Variants in NLGN1 observed in about 807,000 individuals in gnomAD.
NLGN1 encodes neuroligin 1, also known as neuroligin-1.
A neutral mutation model predicts 65.5 loss-of-function variants in NLGN1; 12 were observed. The ratio of observed to expected loss-of-function variants is 0.18; its 90% CI spans 0.12 to 0.30. The LOEUF (loss-of-function observed/expected upper bound fraction) is 0.30. NLGN1 is among the 10% of genes least tolerant of loss of function. NLGN1 has a pLI of 1.00. For synonymous variants in NLGN1, 350 were observed against 359.5 expected (o/e 0.97, Z 0.30); for missense variants, 750 against 1,007.1 (o/e 0.74, Z 3.46).
At chr3:173,492,212 T>C (rs1729287243) in intron 2 of NLGN1, among the ~76,000 whole-genome samples, 3 of 151,894 alleles carry the variant, frequency 2.0e-5, no homozygotes, top group Admixed American at 2.0e-4. Context: ...TTTAGTGCAG[T>C]ATCTGACTTC....
At chr3:173,969,913 TAA>T (rs201121045) in intron 4 of NLGN1, among the ~76,000 whole-genome samples, 5 of 144,610 alleles carry the variant, frequency 3.5e-5, no homozygotes, top group African/African-American at 7.5e-5. Context: ...TATTTGGGCT[TAA>T]AAAAAAAAAA....
chr3:173,488,310 T>C (rs546116027), intron 2 of NLGN1, among the ~76,000 whole-genome samples: 1 of 152,170 alleles, frequency 6.6e-6, no homozygotes, highest in South Asian at 2.1e-4. Flanking sequence ...AACTAAAACA[T>C]ACTCTTTGTT....
chr3:173,437,280 G>C (rs10936756), intron 2 of NLGN1, among the ~76,000 whole-genome samples: 26,330 of 152,116 alleles, frequency 0.17, 3,462 homozygotes, highest in African/African-American at 0.37. Flanking sequence ...GTCTGTCACT[G>C]CCAATACCAC....
At chr3:174,015,634 A>G (rs1268046227) in intron 4 of NLGN1, among the ~76,000 whole-genome samples, 1 of 152,196 alleles carries the variant, frequency 6.6e-6, no homozygotes, top group Non-Finnish European at 1.5e-5. Context: ...TCATAGACTC[A>G]GCATACTATA....
At chr3:173,624,134 G>T (rs919447670) in intron 3 of NLGN1, among the ~76,000 whole-genome samples, 3 of 152,082 alleles carry the variant, frequency 2.0e-5, no homozygotes. Flanking sequence ...CTGTTGCCGT[G>T]TATTTGAGCA....
chr3:173,551,361 G>T (rs1301373769), intron 2 of NLGN1, among the ~76,000 whole-genome samples: 1 of 152,148 alleles, frequency 6.6e-6, no homozygotes, highest in African/African-American at 2.4e-5. Flanking sequence ...TATGGATTCT[G>T]CTAATATCTG....
intron 4 of NLGN1, among the ~76,000 whole-genome samples, chr3:174,027,142 C>A (rs1215761290): frequency 6.6e-6 from 1 of 151,192 alleles, no homozygotes; most frequent in East Asian, 1.9e-4. Context: ...GCCTTTAAAG[C>A]AATATAAATT....
intron 2 of NLGN1, among the ~76,000 whole-genome samples, chr3:173,516,726 GTA>G (rs534945769): frequency 7.6e-4 from 115 of 152,124 alleles, no homozygotes; most frequent in Middle Eastern, 3.4e-3. Context: ...TCTTCATACA[GTA>G]TTTTCATGGT....
chr3:174,176,941 GT>G (rs1729562232), intron 4 of NLGN1, among the ~76,000 whole-genome samples: 1 of 152,034 alleles, frequency 6.6e-6, no homozygotes, highest in African/African-American at 2.4e-5. Context: ...TAACTGTGCA[GT>G]GCTAAGTTGT....
intron 4 of NLGN1, among the ~76,000 whole-genome samples, chr3:173,918,688 GTGTGTGTGTGTGTGTATA>G: frequency 7.3e-6 from 1 of 136,090 alleles, no homozygotes; most frequent in East Asian, 2.2e-4. Context: ...GTGTGTGTGT[GTGTGTGTGTGTGTGTATA>G]TATATATATT....
chr3:173,917,343 A>G (rs1740945324), intron 4 of NLGN1, among the ~76,000 whole-genome samples: 1 of 152,212 alleles, frequency 6.6e-6, no homozygotes, highest in Non-Finnish European at 1.5e-5. Flanking sequence ...CTATAATTTT[A>G]GACAAACCTT....
At chr3:174,023,637 C>G (rs1579830342) in intron 4 of NLGN1, among the ~76,000 whole-genome samples, 1 of 152,156 alleles carries the variant, frequency 6.6e-6, no homozygotes, top group South Asian at 2.1e-4. Context: ...GAAGTGGCTG[C>G]TATCCAGGAT....
chr3:174,058,690 GACCT>G lies in NLGN1; in HGVS notation c.647-216620_647-216617del, dbSNP rs546923411. 5.4e-3 allele frequency among the ~76,000 whole-genome samples: 814 copies of G among 151,902 alleles called. 5 individuals carry two copies. Among genetic ancestry groups the G allele is most frequent in the Middle Eastern group, 0.014 (4 of 294 alleles). On this transcript the variant is annotated intron_variant, in intron 4 of 6. Coordinates refer to ENST00000457714, the Ensembl canonical transcript of NLGN1. ...TAATAAGTCTCTTATTATTTTACCTGACCTACCTCTGCCTGAACCTGTATGGGTA... is the reference window on the plus strand; with the variant it reads ...TAATAAGTCTCTTATTATTTTACCTGACCTCTGCCTGAACCTGTATGGGTA...
chr3:174,004,061 GTTT>G (rs1255362290), intron 4 of NLGN1, among the ~76,000 whole-genome samples: 1 of 152,026 alleles, frequency 6.6e-6, no homozygotes, highest in African/African-American at 2.4e-5. Context: ...ATTGGGTTTT[GTTT>G]TTCAGTGTCA....
At chr3:174,203,696 G>A (rs1734911859) in intron 4 of NLGN1, among the ~76,000 whole-genome samples, 1 of 152,114 alleles carries the variant, frequency 6.6e-6, no homozygotes, top group South Asian at 2.1e-4. Context: ...TGTGAATATC[G>A]ACTAGGGTTT....
intron 3 of NLGN1, among the ~76,000 whole-genome samples, chr3:173,656,438 G>A (rs926597468): frequency 6.6e-6 from 1 of 152,086 alleles, no homozygotes; most frequent in African/African-American, 2.4e-5. Context: ...ATACAGAGAT[G>A]TCTCTCATAT....
intron 4 of NLGN1, among the ~76,000 whole-genome samples, chr3:174,272,116 G>A (rs1208982159): frequency 6.6e-6 from 1 of 151,656 alleles, no homozygotes; most frequent in East Asian, 1.9e-4. Flanking sequence ...ATAAAATAGT[G>A]ACTATCTGTT....
intron 4 of NLGN1, among the ~76,000 whole-genome samples, chr3:173,914,686 A>G (rs1740379892): frequency 6.6e-6 from 1 of 152,188 alleles, no homozygotes; most frequent in Non-Finnish European, 1.5e-5. Context: ...CCCAAGGCAC[A>G]GGGACACTGA....
chr3:174,019,249 T>TA (rs1418238934), intron 4 of NLGN1, among the ~76,000 whole-genome samples: 3 of 152,172 alleles, frequency 2.0e-5, no homozygotes, highest in African/African-American at 7.2e-5. Flanking sequence ...AATCCCTAAA[T>TA]TCATATGTTG....
Sources: gnomAD v4.1 joint callset for allele counts (sites outside exome capture counted in the v4.1 genomes callset) on GRCh38, gnomAD v4.1.1 for gene constraint, MANE v1.5 for transcripts, NCBI Gene and HGNC (gene_info 2026-07-23, HGNC 2026-07-21) for gene names.